Variants in MAP3K15 observed in about 807,000 individuals in gnomAD.
The protein encoded by MAP3K15 is mitogen-activated protein kinase kinase kinase 15, also known as MAPK/ERK kinase kinase 15.
A neutral mutation model predicts 99.5 loss-of-function variants in MAP3K15; 124 were observed. The ratio of observed to expected loss-of-function variants is 1.25; its 90% confidence interval spans 1.08 to 1.45. MAP3K15 has a LOEUF of 1.45. Ranked by LOEUF, MAP3K15 falls within the 40% of genes most tolerant of loss-of-function variation. MAP3K15 has a pLI of 0.00. For synonymous variants in MAP3K15, 494 were observed against 439.6 expected (o/e 1.12, Z -1.55); for missense variants, 1,242 against 1,079.7 (o/e 1.15, Z -2.11).
At chrX:19,510,280 C>T (rs1216393574) in intron 1 of MAP3K15, among the ~76,000 whole-genome samples, 3 of 111,679 alleles carry the variant, frequency 2.7e-5, no homozygotes, top group Non-Finnish European at 3.8e-5. Context: ...GGATGAACAT[C>T]GATGTGAAAA....
intron 6 of MAP3K15, among the ~76,000 whole-genome samples, chrX:19,444,448 G>C (rs990646856): frequency 7.2e-5 from 8 of 111,594 alleles, no homozygotes; most frequent in African/African-American, 2.6e-4. Context: ...AAAATCCAGA[G>C]ATACGCCACT....
chrX:19,392,891 G>A (rs190595465), intron 16 of MAP3K15, among the ~76,000 whole-genome samples: 351 of 110,328 alleles, frequency 3.2e-3, no homozygotes, highest in African/African-American at 0.011. Flanking sequence ...TTAAAGCCAC[G>A]TTTTATACCT....
At chrX:19,378,866 C>CATGG (rs1333863270) in intron 19 of MAP3K15, among the ~76,000 whole-genome samples, 1 of 111,497 alleles carries the variant, frequency 9.0e-6, no homozygotes, top group Non-Finnish European at 1.9e-5. Flanking sequence ...GGCCCCAGTA[C>CATGG]ATGGGCTGCC....
At position 19,413,259 on chromosome X, in the gene MAP3K15, T is replaced by C. The variant is rs2063703578; in HGVS notation, c.1698+98A>G. On this transcript the variant is annotated intron_variant, in intron 11 of 28. Coordinates refer to ENST00000338883, the MANE Select transcript of MAP3K15 (RefSeq NM_001001671.4). The stretch of plus-strand genomic sequence containing the variant: ...GATACTCTCTCATATATTCTCATAA[T>C]TCAGAAGTTAAACATGGGTGCCTTT... 8 of 570,753 alleles carry C rather than the reference T, an allele frequency of 1.4e-5. No homozygotes were observed. In the South Asian group the frequency reaches 2.1e-4, roughly 15 times the overall value. 47.0% of individuals were successfully genotyped at this position (570,753 alleles called of 1,213,427 possible). A position where few individuals can be genotyped will look rare whatever the true frequency, so the allele number is the denominator to read the frequency against.
intron 3 of MAP3K15, among the ~76,000 whole-genome samples, chrX:19,478,508 T>C (rs1041598429): frequency 1.5e-5 from 1 of 65,455 alleles, no homozygotes; most frequent in African/African-American, 5.9e-5. Context: ...ACAGGAGAAA[T>C]TGTTACCCTG....
intron 3 of MAP3K15, among the ~76,000 whole-genome samples, chrX:19,476,063 G>A (rs1461526690): frequency 8.9e-6 from 1 of 112,204 alleles, no homozygotes; most frequent in East Asian, 2.8e-4. Context: ...ATTCTTTGCA[G>A]CAAATATGAT....
chrX:19,399,360 C>G (rs760362735), intron 14 of MAP3K15, among the ~76,000 whole-genome samples: 2 of 110,420 alleles, frequency 1.8e-5, no homozygotes, highest in Non-Finnish European at 3.8e-5. Context: ...GTCAGGAATT[C>G]GAGACCAGCC....
rs898314773 is a variant in MAP3K15 at position 19,480,896 on chromosome X, C to A, written c.525+5586G>T. On this transcript the variant is annotated intron_variant, in intron 3 of 28. Coordinates refer to ENST00000338883, the MANE Select transcript of MAP3K15 (RefSeq NM_001001671.4). ...TTGGGAGGCTGAGGTGGGCAGACTG[C>A]TCGAGCCCAGGAGTTTGAGACCAGC... Among the ~76,000 whole-genome samples the A allele has an allele frequency of 8.4e-5, 9 of 107,454 alleles. 1 individual carries two copies. The highest frequency in any genetic ancestry group is 3.1e-4 in the African/African-American group (9 of 29,405). 93.3% of individuals were successfully genotyped at this position (107,454 alleles called of 115,157 possible).
At chrX:19,459,037 C>T (rs2064113339) in intron 5 of MAP3K15, among the ~76,000 whole-genome samples, 1 of 112,099 alleles carries the variant, frequency 8.9e-6, no homozygotes, top group African/African-American at 3.2e-5. Context: ...TGATGCTTGT[C>T]TCAGAATAAA....
In MAP3K15 at chrX:19,371,856, G is replaced by A. The variant is rs1340501905; in HGVS notation, c.3109-326C>T. Among the ~76,000 whole-genome samples, 4 of 111,655 alleles carry A rather than the reference G, an allele frequency of 3.6e-5. No homozygotes were observed. The South Asian group carries it at 1.1e-3, about 31-fold the overall frequency. On this transcript the variant is annotated intron_variant, in intron 22 of 28. Coordinates refer to ENST00000338883, the MANE Select transcript of MAP3K15 (RefSeq NM_001001671.4). ...CATCTGAAATAAGGGAGGGGGGCCG[G>A]GCACGGTGGCTCACACCTGTAATCC... is the stretch of plus-strand genomic sequence containing the variant.
intron 6 of MAP3K15, among the ~76,000 whole-genome samples, chrX:19,444,343 C>T (rs187808856): frequency 8.1e-5 from 9 of 111,330 alleles, no homozygotes; most frequent in Non-Finnish European, 1.1e-4. Flanking sequence ...GAGCCAAGAT[C>T]GCCATCTGTT....
chrX:19,391,844 A>G (rs759914275), intron 18 of MAP3K15, among the ~76,000 whole-genome samples, 158 bp downstream of exon 18: 2 of 111,372 alleles, frequency 1.8e-5, no homozygotes, highest in Non-Finnish European at 1.9e-5. Flanking sequence ...CAAAGTTAAA[A>G]CAATTTGAAG....
In MAP3K15 at chrX:19,374,504, T is replaced by C; in HGVS notation, c.2746A>G (p.Lys916Glu). The part of the protein sequence containing the change: ...GFLRQVNKGK[K>E]NRIAFKPSEG... Reference sequence around the variant, plus strand: ...GAGGGCTTGAAGGCAATTCGGTTCTTCTTGCCCTTGTTCACCTGCCTTAAG... The same window carrying C: ...GAGGGCTTGAAGGCAATTCGGTTCTCCTTGCCCTTGTTCACCTGCCTTAAG... The change falls in exon 20 of 29, where the codon AAG (lysine) becomes GAG (glutamate). Residue 916 changes from lysine to glutamate, a missense_variant. Physicochemically the swap from Lys to Glu is moderately conservative, Grantham distance 56. Coordinates refer to ENST00000338883, the MANE Select transcript of MAP3K15 (RefSeq NM_001001671.4). 8.3e-7 allele frequency: 1 copy of C among 1,211,327 alleles called. No individual in the cohort carries two copies. Among genetic ancestry groups the C allele is most frequent in the Non-Finnish European group, 1.1e-6 (1 of 895,302 alleles).
At chrX:19,367,348 C>T (rs2063341339) in intron 25 of MAP3K15, among the ~76,000 whole-genome samples, 1 of 110,204 alleles carries the variant, frequency 9.1e-6, no homozygotes, top group Non-Finnish European at 1.9e-5. Flanking sequence ...GGAGGAGGAT[C>T]AGGAAAAGCA....
chrX:19,432,722 T>C (rs1258626352), intron 6 of MAP3K15, among the ~76,000 whole-genome samples: 1 of 97,098 alleles, frequency 1.0e-5, no homozygotes. Flanking sequence ...GCCCTTAACC[T>C]TTTTTTTTTT....
chrX:19,362,751 T>C lies in MAP3K15; in HGVS notation c.3666A>G (p.Lys1222=), dbSNP rs2063301719. 1 of 1,153,085 alleles carries C rather than the reference T, an allele frequency of 8.7e-7. No homozygotes were observed. Among genetic ancestry groups the C allele is most frequent in the Non-Finnish European group, 1.2e-6 (1 of 847,802 alleles). Residue 1222 remains lysine, a synonymous_variant, in exon 26 of 29, where the codon AAA becomes AAG. Transcript: ENST00000338883. Reference sequence around the variant, plus strand: ...AAAATGACTTACAATTCGATTTTAATTTTAACTGAAGGTGATACAATTCTT... The same window carrying C: ...AAAATGACTTACAATTCGATTTTAACTTTAACTGAAGGTGATACAATTCTT... The part of the protein sequence containing the change: ...KTQELYHLQL[K]LKSNCITENP...
rs536422478 is a variant in MAP3K15, at chrX:19,416,734, C to G, written c.1440-1477G>C. 1.5e-4 allele frequency among the ~76,000 whole-genome samples: 17 copies of G among 111,900 alleles called. No individual in the cohort carries two copies. The South Asian group carries it at 6.3e-3, about 41-fold the overall frequency. Reference sequence around the variant, plus strand: ...GTTGTCAGTGGTTGCGAAAATCCTGCACTTTTTGCAAAATATAAAATACAA... The same window carrying G: ...GTTGTCAGTGGTTGCGAAAATCCTGGACTTTTTGCAAAATATAAAATACAA... On this transcript the variant is annotated intron_variant, in intron 9 of 28. Coordinates refer to ENST00000338883, the MANE Select transcript of MAP3K15 (RefSeq NM_001001671.4).
intron 7 of MAP3K15, among the ~76,000 whole-genome samples, chrX:19,427,232 C>A (rs997327709): frequency 9.0e-5 from 10 of 110,551 alleles, no homozygotes; most frequent in Non-Finnish European, 1.7e-4. Context: ...CAGCCTTGAA[C>A]CCCTGGGCTC....
At chrX:19,512,994 T>C (rs2064531856) in intron 1 of MAP3K15, among the ~76,000 whole-genome samples, 1 of 111,313 alleles carries the variant, frequency 9.0e-6, no homozygotes, top group African/African-American at 3.3e-5. Flanking sequence ...TGCTCATCTG[T>C]TTAGCCCAGG....
Sources: allele counts gnomAD v4.1 joint callset (sites outside exome capture counted in the v4.1 genomes callset), GRCh38; gene constraint gnomAD v4.1.1; transcripts MANE v1.5; gene names NCBI Gene and HGNC (gene_info 2026-07-23, HGNC 2026-07-21).